Variants in SLC22A2 observed in about 807,000 individuals in gnomAD.
The protein encoded by SLC22A2 is solute carrier family 22 member 2.
In SLC22A2, 46 loss-of-function variants were observed where a neutral mutation model predicts 60.5. The observed-to-expected ratio is 0.76, with a 90% CI of 0.60 to 0.97. The LOEUF (loss-of-function observed/expected upper bound fraction) is 0.97. Ranked by LOEUF, SLC22A2 falls within the 50% of genes least tolerant of loss-of-function variation. The pLI is 0.00. For missense variants in SLC22A2, 701 were observed against 706.6 expected (o/e 0.99, Z 0.09); for synonymous variants, 303 against 267.0 (o/e 1.13, Z -1.31).
chr6:160,241,889 A>G (rs1011054132), intron 8 of SLC22A2, among the ~76,000 whole-genome samples: 2 of 151,922 alleles, frequency 1.3e-5, no homozygotes, highest in Admixed American at 6.6e-5. Context: ...ATATATATAT[A>G]TATATACATA....
intron 10 of SLC22A2, among the ~76,000 whole-genome samples, chr6:160,222,566 C>A (rs1245117026): frequency 6.6e-6 from 1 of 152,216 alleles, no homozygotes; most frequent in Non-Finnish European, 1.5e-5. Context: ...TCCAGTGATA[C>A]AGCAGTAAAC....
chr6:160,219,690 G>A (rs1224590521), intron 10 of SLC22A2, among the ~76,000 whole-genome samples: 1 of 151,690 alleles, frequency 6.6e-6, no homozygotes, highest in Non-Finnish European at 1.5e-5. Flanking sequence ...GGTAATACAG[G>A]CATACCTCAG....
At chr6:160,219,789 T>C (rs1446754983) in intron 10 of SLC22A2, among the ~76,000 whole-genome samples, 2 of 152,198 alleles carry the variant, frequency 1.3e-5, no homozygotes, top group Admixed American at 1.3e-4. Flanking sequence ...TCCCAGTTCA[T>C]ATAAAAGTTA....
At chr6:160,223,876 T>C (rs900646115) in intron 10 of SLC22A2, among the ~76,000 whole-genome samples, 3 of 152,054 alleles carry the variant, frequency 2.0e-5, no homozygotes, top group Non-Finnish European at 4.4e-5. Flanking sequence ...TACAGGCGCA[T>C]ACCACCACAC....
intron 10 of SLC22A2, among the ~76,000 whole-genome samples, chr6:160,223,187 C>T (rs1302645777): frequency 2.6e-5 from 4 of 152,136 alleles, no homozygotes; most frequent in Non-Finnish European, 4.4e-5. Flanking sequence ...ACTGTATAAA[C>T]AAACTTGTGG....
At chr6:160,224,531 A>G (rs1190418413) in intron 10 of SLC22A2, among the ~76,000 whole-genome samples, 174 bp downstream of exon 10, 1 of 152,198 alleles carries the variant, frequency 6.6e-6, no homozygotes, top group Admixed American at 6.5e-5. Context: ...AAATTCTCGT[A>G]TAATGTCTTT....
At position 160,241,474 on chromosome 6, in the gene SLC22A2, C is replaced by G; in HGVS notation, c.1501G>C (p.Gly501Arg). ...AAAGACATCTGTGAAGATTTCTTAC[C>G]GAAAACCATCAGCGGGAGCTCAAGC... Reference protein sequence around the residue: ...IWLELPLMVFGVLGLVAGGLV... With the variant: ...IWLELPLMVFRVLGLVAGGLV... Residue 501 changes from glycine to arginine, a missense_variant and splice_region_variant, in exon 9 of 11, where the codon GGC becomes CGC. Gly to Arg is a moderately radical substitution (Grantham distance 125). Coordinates refer to ENST00000366953, the MANE Select transcript of SLC22A2 (RefSeq NM_003058.4). The G allele has an allele frequency of 6.2e-7, 1 of 1,603,546 alleles. No individual in the cohort carries two copies. The highest frequency in any genetic ancestry group is 8.5e-7 in the Non-Finnish European group (1 of 1,170,772).
Position 160,247,291 on chromosome 6 carries a change from G to A in SLC22A2, c.850C>T (p.Pro284Ser). 7.6e-6 allele frequency: 12 copies of A among 1,586,770 alleles called. No homozygotes were observed. The highest frequency in any genetic ancestry group is 1.0e-5 in the Non-Finnish European group (12 of 1,155,054). Reference protein sequence around the residue: ...FFFLLYYWCIPESPRWLISQN... With the variant: ...FFFLLYYWCISESPRWLISQN... The stretch of plus-strand genomic sequence containing the variant: ...GAGATCAGCCACCTGGGAGACTCAG[G>A]TATGCACCTAGGGTACAAGGTGAGC... The change falls in exon 5 of 11, where the codon CCT becomes TCT. Residue 284 changes from proline (P) to serine (S), a missense_variant. Coordinates refer to ENST00000366953, the MANE Select transcript of SLC22A2 (RefSeq NM_003058.4).
intron 2 of SLC22A2, among the ~76,000 whole-genome samples, chr6:160,251,498 T>C (rs936233678): frequency 5.5e-4 from 84 of 152,294 alleles, no homozygotes; most frequent in African/African-American, 1.8e-3. Flanking sequence ...GCTTGGCACA[T>C]AGCCTGCCTC....
intron 2 of SLC22A2, among the ~76,000 whole-genome samples, chr6:160,254,036 G>C (rs1275678698): frequency 6.6e-6 from 1 of 152,158 alleles, no homozygotes; most frequent in Non-Finnish European, 1.5e-5. Flanking sequence ...CCAGCACTTT[G>C]GGAGGTCAAG....
chr6:160,258,257 T>C (rs1157763523), intron 1 of SLC22A2, 87 bp downstream of exon 1: 3 of 1,443,736 alleles, frequency 2.1e-6, no homozygotes, highest in African/African-American at 2.8e-5. Context: ...AGGCAGGGTT[T>C]ATAAGAGCCG....
intron 2 of SLC22A2, among the ~76,000 whole-genome samples, chr6:160,255,535 T>C (rs1212903857): frequency 6.6e-6 from 1 of 152,214 alleles, no homozygotes; most frequent in Non-Finnish European, 1.5e-5. Context: ...GACTTTACCA[T>C]GTATTTCAGT....
intron 9 of SLC22A2, among the ~76,000 whole-genome samples, chr6:160,230,630 T>C (rs1365024576): frequency 1.3e-5 from 2 of 151,902 alleles, no homozygotes; most frequent in Non-Finnish European, 2.9e-5. Flanking sequence ...CAAGTAGCAA[T>C]GTATTTCTGA....
At position 160,234,804 on chromosome 6, in the gene SLC22A2, T is replaced by C. The variant is rs75683472; in HGVS notation, c.1501+6670A>G. ...GAACAACGGAAACCAGCCAATGCTGTAGCTCAATAGCTAAGGCTTCACCAT... is the reference window on the plus strand; with the variant it reads ...GAACAACGGAAACCAGCCAATGCTGCAGCTCAATAGCTAAGGCTTCACCAT... On this transcript the variant is annotated intron_variant, in intron 9 of 10. Coordinates refer to ENST00000366953, the MANE Select transcript of SLC22A2 (RefSeq NM_003058.4). Among the ~76,000 whole-genome samples the C allele has an allele frequency of 8.0e-4, 122 of 152,386 alleles. 4 individuals are homozygous for C. In the East Asian group the frequency reaches 0.022, roughly 28 times the overall value.
chr6:160,224,535 T>C (rs975319305), intron 10 of SLC22A2, among the ~76,000 whole-genome samples, 170 bp downstream of exon 10: 1 of 152,238 alleles, frequency 6.6e-6, no homozygotes, highest in African/African-American at 2.4e-5. Context: ...TCTCGTATAA[T>C]GTCTTTGTAA....
At chr6:160,256,456 C>G (rs546717832) in intron 2 of SLC22A2, among the ~76,000 whole-genome samples, 158 bp downstream of exon 2, 3 of 152,230 alleles carry the variant, frequency 2.0e-5, no homozygotes, top group Non-Finnish European at 4.4e-5. Flanking sequence ...ATCCAAGCAG[C>G]AGAAGAAATT....
chr6:160,217,326 G>C lies in SLC22A2; in HGVS notation c.*106C>G, dbSNP rs1355466356. The C allele has an allele frequency of 1.5e-6, 1 of 673,934 alleles. No homozygotes were observed. The highest frequency in any genetic ancestry group is 2.6e-6 in the Non-Finnish European group (1 of 387,638). 41.7% of individuals were successfully genotyped at this position (673,934 alleles called of 1,614,324 possible). A position where few individuals can be genotyped will look rare whatever the true frequency, so the allele number is the denominator to read the frequency against. On this transcript the variant is annotated 3_prime_UTR_variant, in exon 11 of 11. Coordinates refer to ENST00000366953, the MANE Select transcript of SLC22A2 (RefSeq NM_003058.4). Reference sequence around the variant, plus strand: ...AGACCTAGGTTGATAGGGCTCAGGGGTAAGTTTGGTTGAGTTGTATGGGCT... The same window carrying C: ...AGACCTAGGTTGATAGGGCTCAGGGCTAAGTTTGGTTGAGTTGTATGGGCT...
intron 3 of SLC22A2, 132 bp from the exon 4 acceptor site, chr6:160,249,516 ATTT>A: frequency 1.4e-6 from 1 of 704,198 alleles, no homozygotes; most frequent in African/African-American, 1.9e-5. Flanking sequence ...CTCTCTGAAT[ATTT>A]TTAAGTGTTT....
intron 10 of SLC22A2, among the ~76,000 whole-genome samples, chr6:160,219,114 C>G (rs62637554): frequency 0.25 from 2 of 8 alleles, no homozygotes; most frequent in Non-Finnish European, 0.5. Context: ...GAAGCAATAA[C>G]AGCAGCAGCA....
Sources: gnomAD v4.1 joint callset for allele counts (sites outside exome capture counted in the v4.1 genomes callset) on GRCh38, gnomAD v4.1.1 for gene constraint, MANE v1.5 for transcripts, NCBI Gene and HGNC (gene_info 2026-07-23, HGNC 2026-07-21) for gene names.